PIGN: variants seen among roughly 807,000 people sequenced by gnomAD.
PIGN encodes the protein GPI ethanolamine phosphate transferase 1.
Under a neutral mutation model 125.4 loss-of-function variants are expected in PIGN, and 117 were observed. The observed-to-expected ratio is 0.93, with a 90% confidence interval of 0.80 to 1.09. The LOEUF (loss-of-function observed/expected upper bound fraction) is 1.09. PIGN is among the 50% of genes least tolerant of loss of function. The probability of loss-of-function intolerance (pLI) is 0.00; values close to 1 mark genes in which losing one functional copy is unlikely to be tolerated. For synonymous variants in PIGN, 392 were observed against 377.8 expected, an observed-to-expected ratio of 1.04 and a Z score of -0.44; for missense variants, 1,075 against 1,094.9, an observed-to-expected ratio of 0.98 and a Z score of 0.26.
At chr18:62,160,238 A>C (rs1018270445) in intron 4 of PIGN, among the ~76,000 whole-genome samples, 7 of 152,216 alleles carry the variant, frequency 4.6e-5, no homozygotes, top group Non-Finnish European at 2.9e-5. Context: ...TCTCTCCATA[A>C]CAGCATTACA....
intron 17 of PIGN, among the ~76,000 whole-genome samples, chr18:62,109,174 T>C (rs992017712): frequency 1.3e-5 from 2 of 152,220 alleles, no homozygotes; most frequent in Non-Finnish European, 2.9e-5. Context: ...CCAGTGAGCA[T>C]GAACTAGTAC....
intron 14 of PIGN, chr18:62,136,881 AAC>A (rs2035953599): frequency 5.1e-6 from 2 of 391,242 alleles, no homozygotes; most frequent in Non-Finnish European, 9.0e-6. Flanking sequence ...ATGCAAGGAA[AAC>A]ACATCTTCCT....
chr18:62,070,137 T>C (rs478161), intron 30 of PIGN: 299,372 of 332,162 alleles, frequency 0.9, 135,118 homozygotes, highest in African/African-American at 0.97. Flanking sequence ...TCATTCAAAA[T>C]GACTACAAGA....
intron 14 of PIGN, chr18:62,136,248 A>G (rs1311798146): frequency 6.6e-6 from 1 of 152,164 alleles, no homozygotes; most frequent in African/African-American, 2.4e-5. Flanking sequence ...AACTTGCAAA[A>G]TCCTAATTTC....
At position 62,106,834 on chromosome 18, in the gene PIGN, G is replaced by T; in HGVS notation, c.1722C>A (p.Ala574=). 6.2e-7 allele frequency: 1 copy of T among 1,609,606 alleles called. No individual in the cohort carries two copies. Among genetic ancestry groups the T allele is most frequent in the Non-Finnish European group, 8.5e-7 (1 of 1,177,944 alleles). Reference sequence around the variant, plus strand: ...GAGTGAGAAATGGCCAAGCTGCAAAGGCAGTAAGTCCAGCGGTAAGCATAT... The same window carrying T: ...GAGTGAGAAATGGCCAAGCTGCAAATGCAGTAAGTCCAGCGGTAAGCATAT... ...YRYMLTAGLT[A]FAAWPFLTRL... is the part of the protein sequence containing the mutation. Residue 574 remains alanine, a synonymous_variant, in exon 19 of 31, where the codon GCC becomes GCA. Coordinates refer to ENST00000640252, the MANE Select transcript of PIGN (RefSeq NM_176787.5).
intron 25 of PIGN, among the ~76,000 whole-genome samples, chr18:62,086,281 T>C (rs2033696752): frequency 6.6e-6 from 1 of 151,958 alleles, no homozygotes; most frequent in Non-Finnish European, 1.5e-5. Flanking sequence ...AAGGATATGG[T>C]GAAAGATGAA....
chr18:62,046,431 A>C (rs1010319029), intron 30 of PIGN, among the ~76,000 whole-genome samples: 36 of 126,668 alleles, frequency 2.8e-4, no homozygotes, highest in African/African-American at 9.5e-4. Flanking sequence ...CAGCGGCAGC[A>C]TTAGATTCTC....
intron 5 of PIGN, 47 bp downstream of exon 5, chr18:62,157,640 T>A (rs756619977): frequency 1.9e-6 from 3 of 1,554,256 alleles, no homozygotes; most frequent in Admixed American, 3.7e-5. Context: ...GACTAATATT[T>A]ACTTGACAAA....
chr18:62,080,784 C>T (rs1054008390), intron 28 of PIGN, among the ~76,000 whole-genome samples: 6 of 152,084 alleles, frequency 3.9e-5, no homozygotes, highest in East Asian at 1.9e-4. Flanking sequence ...CTCCATGTGA[C>T]GTGAGGACAT....
chr18:62,071,863 CAT>C (rs61508545), intron 30 of PIGN, among the ~76,000 whole-genome samples: 2,055 of 76,984 alleles, frequency 0.027, 37 homozygotes, highest in Middle Eastern at 0.049. Flanking sequence ...ACTCCTTTTC[CAT>C]ATATATATAT....
At chr18:62,109,563 AT>A (rs556213550) in intron 17 of PIGN, among the ~76,000 whole-genome samples, 46 of 152,050 alleles carry the variant, frequency 3.0e-4, no homozygotes, top group East Asian at 1.4e-3. Flanking sequence ...CTTTTATTCC[AT>A]TTTTTTTCTA....
chr18:62,038,143 A>C (rs1178066137), downstream of PIGN, among the ~76,000 whole-genome samples: 1 of 152,160 alleles, frequency 6.6e-6, no homozygotes, highest in Non-Finnish European at 1.5e-5. Context: ...TGTGAATCGG[A>C]GGGATAAAGT....
intron 30 of PIGN, among the ~76,000 whole-genome samples, chr18:62,055,279 A>G (rs1241937515): frequency 6.6e-6 from 1 of 152,236 alleles, no homozygotes; most frequent in Non-Finnish European, 1.5e-5. Flanking sequence ...TGATTAAACA[A>G]ACTGTGGCAC....
At chr18:62,037,763 G>GA (rs2030279786), downstream of PIGN, among the ~76,000 whole-genome samples, 1 of 152,130 alleles carries the variant, frequency 6.6e-6, no homozygotes, top group Admixed American at 6.5e-5. Context: ...TTTTGCTGAA[G>GA]AAAAACCAAA....
intron 23 of PIGN, among the ~76,000 whole-genome samples, chr18:62,033,269 CA>C (rs1385339599): frequency 6.6e-6 from 1 of 152,138 alleles, no homozygotes; most frequent in African/African-American, 2.4e-5. Context: ...ATCAAAATAA[CA>C]CCTCCACAGT....
rs1320558907 is a variant in PIGN, at chr18:62,074,738, C to A, written c.2619+41G>T. On this transcript the variant is annotated intron_variant, in intron 29 of 30. Transcript: ENST00000640252. Reference sequence around the variant, plus strand: ...TTCTCTTTATTAAATTAACCCAGGACTCTTAATCTAATTTATATGGACTAC... The same window carrying A: ...TTCTCTTTATTAAATTAACCCAGGAATCTTAATCTAATTTATATGGACTAC... 3.1e-6 allele frequency: 4 copies of A among 1,298,754 alleles called. No individual in the cohort carries two copies. In the South Asian group the frequency reaches 3.9e-5, roughly 13 times the overall value. The allele number at this position is 1,298,754 out of a possible 1,614,324, so 80.5% of individuals were successfully genotyped here.
At chr18:62,159,487 A>T (rs867012045) in intron 4 of PIGN, among the ~76,000 whole-genome samples, 24 of 152,346 alleles carry the variant, frequency 1.6e-4, no homozygotes, top group Admixed American at 5.2e-4. Flanking sequence ...TCCTTTGGCA[A>T]CTAAGAAATT....
intron 28 of PIGN, among the ~76,000 whole-genome samples, chr18:62,078,976 C>A (rs925129145): frequency 7.2e-5 from 11 of 152,198 alleles, no homozygotes; most frequent in African/African-American, 2.7e-4. Flanking sequence ...CTTGCCACAA[C>A]TGAATAATGG....
intron 30 of PIGN, among the ~76,000 whole-genome samples, chr18:62,059,971 G>A (rs1302818493): frequency 6.6e-6 from 1 of 152,154 alleles, no homozygotes; most frequent in Non-Finnish European, 1.5e-5. Context: ...AAAACCAGTA[G>A]GTGACCCATC....
Sources: allele counts gnomAD v4.1 joint callset (sites outside exome capture counted in the v4.1 genomes callset), GRCh38; gene constraint gnomAD v4.1.1; transcripts MANE v1.5; gene names NCBI Gene and HGNC (gene_info 2026-07-23, HGNC 2026-07-21).